The following MALRD1 variants were observed in gnomAD, a reference collection of about 807,000 sequenced individuals.
The protein encoded by MALRD1 is MAM and LDL-receptor class A domain-containing protein 1.
A neutral mutation model predicts 242.1 loss-of-function variants in MALRD1; 247 were observed. That is an observed-to-expected ratio of 1.02 (90% CI 0.92 to 1.13). MALRD1 has a LOEUF of 1.13. Among genes scored for constraint, MALRD1 ranks in the 50% most tolerant of loss-of-function variants. The pLI is 0.00. For synonymous variants in MALRD1, 995 were observed against 866.6 expected (o/e 1.15, Z -2.60); for missense variants, 2,989 against 2,533.1 (o/e 1.18, Z -3.86).
At chr10:19,282,841 A>C (rs1482081104) in intron 20 of MALRD1, among the ~76,000 whole-genome samples, 178 bp from the exon 21 acceptor site, 2 of 152,180 alleles carry the variant, frequency 1.3e-5, no homozygotes, top group Non-Finnish European at 2.9e-5. Flanking sequence ...GACTAGAATA[A>C]ACCTAGATTT....
intron 36 of MALRD1, among the ~76,000 whole-genome samples, chr10:19,642,166 C>G (rs1840416500): frequency 6.6e-6 from 1 of 152,096 alleles, no homozygotes; most frequent in Admixed American, 6.5e-5. Context: ...GTTTATGCAT[C>G]TTCTCATATT....
At chr10:19,117,208 T>G (rs1026059512) in intron 5 of MALRD1, among the ~76,000 whole-genome samples, 3 of 152,074 alleles carry the variant, frequency 2.0e-5, no homozygotes, top group Non-Finnish European at 4.4e-5. Flanking sequence ...TGGGATTGAA[T>G]GCACTAAAAT....
At chr10:19,383,044 T>C (rs575949371) in intron 26 of MALRD1, among the ~76,000 whole-genome samples, 2 of 152,302 alleles carry the variant, frequency 1.3e-5, no homozygotes, top group African/African-American at 2.4e-5. Flanking sequence ...AATAAAAGAA[T>C]AGTATGAACA....
At chr10:19,400,535 G>A (rs573887685) in intron 28 of MALRD1, among the ~76,000 whole-genome samples, 1 of 152,132 alleles carries the variant, frequency 6.6e-6, no homozygotes, top group East Asian at 1.9e-4. Context: ...GCACATAGTA[G>A]GTATTAAACA....
intron 12 of MALRD1, 90 bp from the exon 13 acceptor site, chr10:19,165,547 C>T (rs554839404): frequency 3.9e-6 from 4 of 1,023,112 alleles, no homozygotes; most frequent in Admixed American, 8.6e-5. Flanking sequence ...AGGCAGATCA[C>T]CTGAGGTCAG....
At chr10:19,416,133 G>A (rs1833505994) in intron 28 of MALRD1, among the ~76,000 whole-genome samples, 1 of 152,106 alleles carries the variant, frequency 6.6e-6, no homozygotes, top group Non-Finnish European at 1.5e-5. Flanking sequence ...TAGGTTTTTA[G>A]GATCTGGAGT....
chr10:19,554,295 G>A (rs554891014), intron 32 of MALRD1, among the ~76,000 whole-genome samples: 3 of 152,142 alleles, frequency 2.0e-5, no homozygotes, highest in South Asian at 2.1e-4. Context: ...TGTAGAAGGC[G>A]AACGGGTAGC....
chr10:19,163,018 G>T (rs1054605104), intron 12 of MALRD1, among the ~76,000 whole-genome samples: 2 of 150,880 alleles, frequency 1.3e-5, no homozygotes, highest in Non-Finnish European at 3.0e-5. Flanking sequence ...CAAGCCTGTA[G>T]TCCCAATTAC....
intron 31 of MALRD1, among the ~76,000 whole-genome samples, chr10:19,519,375 C>G (rs1162919022): frequency 6.6e-6 from 1 of 152,086 alleles, no homozygotes; most frequent in African/African-American, 2.4e-5. Flanking sequence ...GAATGACAAA[C>G]TATTAGTATA....
chr10:19,697,958 C>G (rs1833453418), intron 38 of MALRD1, among the ~76,000 whole-genome samples: 1 of 152,166 alleles, frequency 6.6e-6, no homozygotes, highest in South Asian at 2.1e-4. Flanking sequence ...TCTTCCTCCT[C>G]TACACATTCT....
chr10:19,295,604 A>G (rs1450613003), intron 21 of MALRD1, among the ~76,000 whole-genome samples: 1 of 152,204 alleles, frequency 6.6e-6, no homozygotes, highest in East Asian at 1.9e-4. Flanking sequence ...CTGGAAGTTA[A>G]AAAATTAATT....
At chr10:19,343,442 C>T (rs1366981137) in intron 24 of MALRD1, among the ~76,000 whole-genome samples, 1 of 152,136 alleles carries the variant, frequency 6.6e-6, no homozygotes. Context: ...TTGCCACAAT[C>T]AAGATACTCC....
intron 38 of MALRD1, among the ~76,000 whole-genome samples, chr10:19,699,226 T>TAATA (rs973813586): frequency 8.8e-5 from 13 of 148,068 alleles, no homozygotes; most frequent in African/African-American, 2.8e-4. Flanking sequence ...ATAATAATAA[T>TAATA]AAAGACCATG....
At chr10:19,238,404 ATG>A in intron 18 of MALRD1, among the ~76,000 whole-genome samples, 1 of 85,632 alleles carries the variant, frequency 1.2e-5, no homozygotes, top group African/African-American at 4.6e-5. Context: ...GTTATATATT[ATG>A]TATAATATAT....
chr10:19,082,038 G>T (rs1835506789), intron 2 of MALRD1, among the ~76,000 whole-genome samples: 1 of 151,514 alleles, frequency 6.6e-6, no homozygotes, highest in South Asian at 2.1e-4. Context: ...GCGATATGTT[G>T]TTTGTTGCCA....
At chr10:19,619,380 C>A (rs1387177872) in intron 36 of MALRD1, among the ~76,000 whole-genome samples, 2 of 151,884 alleles carry the variant, frequency 1.3e-5, no homozygotes, top group Non-Finnish European at 2.9e-5. Context: ...TACAAAACGA[C>A]CTGTTGAAAA....
At chr10:19,636,490 TA>T (rs893766185) in intron 36 of MALRD1, among the ~76,000 whole-genome samples, 61 of 152,010 alleles carry the variant, frequency 4.0e-4, no homozygotes, top group African/African-American at 1.4e-3. Context: ...AAAAGTGGAT[TA>T]AAAAAAATTC....
chr10:19,236,757 C>T lies in MALRD1; in HGVS notation c.2992-20927C>T, dbSNP rs184614744. Among the ~76,000 whole-genome samples, 733 of 152,136 alleles carry T rather than the reference C, an allele frequency of 4.8e-3. 1 individual carries two copies. The highest frequency in any genetic ancestry group is 7.3e-3 in the Non-Finnish European group (494 of 67,960). Reference sequence around the variant, plus strand: ...AAAATTTTATTTCAGATACGTTTTTCATTTTTATAAGCTTCATCTAAAAGC... The same window carrying T: ...AAAATTTTATTTCAGATACGTTTTTTATTTTTATAAGCTTCATCTAAAAGC... On this transcript the variant is annotated intron_variant, in intron 18 of 39. Coordinates refer to ENST00000454679, the MANE Select transcript of MALRD1 (RefSeq NM_001142308.3).
At chr10:19,255,309 T>G (rs1471324800) in intron 18 of MALRD1, among the ~76,000 whole-genome samples, 1 of 151,982 alleles carries the variant, frequency 6.6e-6, no homozygotes, top group Non-Finnish European at 1.5e-5. Flanking sequence ...CAATACTGTC[T>G]TATATACAAT....
Sources: allele counts gnomAD v4.1 joint callset (sites outside exome capture counted in the v4.1 genomes callset), GRCh38; gene constraint gnomAD v4.1.1; transcripts MANE v1.5; gene names NCBI Gene and HGNC (gene_info 2026-07-23, HGNC 2026-07-21).